Variants in ATP13A4 observed in about 807,000 individuals in gnomAD.
ATP13A4 encodes ATPase 13A4.
In ATP13A4, 114 loss-of-function variants were observed where a neutral mutation model predicts 142.5. That is an observed-to-expected ratio of 0.80 (90% CI 0.69 to 0.93). The LOEUF is 0.93. ATP13A4 is among the 40% of genes least tolerant of loss of function. ATP13A4 has a pLI of 0.00. For synonymous variants in ATP13A4, 488 were observed against 514.8 expected, an observed-to-expected ratio of 0.95 and a Z score of 0.70; for missense variants, 1,392 against 1,454.0, an observed-to-expected ratio of 0.96 and a Z score of 0.69.
In ATP13A4 at chr3:193,514,832, G is replaced by C; in HGVS notation, c.100C>G (p.Leu34Val). Residue 34 changes from leucine (L) to valine (V), a missense_variant, in exon 2 of 30, where the codon CTC becomes GTC. Transcript: ENST00000342695. Reference protein sequence around the residue: ...GYRTQGCRKSLCLAGSIFSFG... With the variant: ...GYRTQGCRKSVCLAGSIFSFG... Reference sequence around the variant, plus strand: ...GAGAAGATGGATCCGGCAAGGCAGAGACTTTTCCGGCAGCCTTGAGTCCGA... The same window carrying C: ...GAGAAGATGGATCCGGCAAGGCAGACACTTTTCCGGCAGCCTTGAGTCCGA... The C allele has an allele frequency of 6.2e-7, 1 of 1,614,214 alleles. No individual in the cohort carries two copies. Among genetic ancestry groups the C allele is most frequent in the Non-Finnish European group, 8.5e-7 (1 of 1,180,032 alleles).
At chr3:193,547,547 C>T (rs1723293924) in intron 1 of ATP13A4, among the ~76,000 whole-genome samples, 1 of 152,162 alleles carries the variant, frequency 6.6e-6, no homozygotes, top group Admixed American at 6.5e-5. Context: ...AATCATACTC[C>T]ACCCTCCAGG....
intron 8 of ATP13A4, among the ~76,000 whole-genome samples, chr3:193,483,526 G>A (rs1277928047): frequency 4.6e-5 from 7 of 152,072 alleles, no homozygotes; most frequent in Admixed American, 1.3e-4. Context: ...GTACAGTGGC[G>A]CGATCTCGGC....
chr3:193,570,601 C>T (rs2108740994), intron 2 of ATP13A4, among the ~76,000 whole-genome samples: 1 of 152,212 alleles, frequency 6.6e-6, no homozygotes, highest in African/African-American at 2.4e-5. Context: ...GAATAGAGGC[C>T]TAATACCACC....
chr3:193,441,206 A>G (rs911363549), intron 20 of ATP13A4, among the ~76,000 whole-genome samples: 5 of 152,132 alleles, frequency 3.3e-5, no homozygotes, highest in African/African-American at 1.2e-4. Flanking sequence ...GCCACCCAAA[A>G]TCATCTGTAT....
intron 18 of ATP13A4, among the ~76,000 whole-genome samples, chr3:193,446,216 A>T (rs1478567761): frequency 6.6e-6 from 1 of 152,182 alleles, no homozygotes; most frequent in African/African-American, 2.4e-5. Context: ...AAGAAAAAAG[A>T]TAGACTGAGA....
chr3:193,575,966 G>A (rs570914632), intron 2 of ATP13A4, among the ~76,000 whole-genome samples: 2 of 152,248 alleles, frequency 1.3e-5, no homozygotes, highest in East Asian at 1.9e-4. Flanking sequence ...TGACTGGGAC[G>A]GGGACTGGGA....
chr3:193,529,081 C>T (rs769918904), intron 1 of ATP13A4, among the ~76,000 whole-genome samples: 4 of 152,106 alleles, frequency 2.6e-5, no homozygotes, highest in Non-Finnish European at 5.9e-5. Context: ...ACCATCCTAG[C>T]TAACATGGCG....
intron 29 of ATP13A4, among the ~76,000 whole-genome samples, chr3:193,403,319 A>G (rs1183366570): frequency 6.6e-6 from 1 of 152,210 alleles, no homozygotes; most frequent in Non-Finnish European, 1.5e-5. Flanking sequence ...ATCCTGACAT[A>G]TCACTGCATA....
chr3:193,578,359 T>C (rs1724456469), intron 2 of ATP13A4, among the ~76,000 whole-genome samples: 2 of 146,300 alleles, frequency 1.4e-5, no homozygotes, highest in Admixed American at 6.8e-5. Flanking sequence ...ATCTATCTAT[T>C]GCATTTATTT....
chr3:193,448,448 G>A, intron 17 of ATP13A4, 118 bp from the exon 18 acceptor site: 1 of 1,310,554 alleles, frequency 7.6e-7, no homozygotes, highest in Non-Finnish European at 1.1e-6. Flanking sequence ...TCATTCTCCT[G>A]CCTCAGCTTC....
chr3:193,583,625 A>C (rs1156690349), intron 1 of ATP13A4, among the ~76,000 whole-genome samples: 1 of 149,900 alleles, frequency 6.7e-6, no homozygotes, highest in Non-Finnish European at 1.5e-5. Flanking sequence ...GATCCAAAGG[A>C]AGATTGTATC....
intron 1 of ATP13A4, among the ~76,000 whole-genome samples, chr3:193,531,331 GAA>G (rs1560262364): frequency 6.9e-5 from 6 of 87,320 alleles, no homozygotes; most frequent in Admixed American, 5.9e-4. Context: ...AGGAAGGAAG[GAA>G]GGAAGGGAGG....
At chr3:193,563,809 C>T (rs940809306) in intron 2 of ATP13A4, among the ~76,000 whole-genome samples, 2 of 152,082 alleles carry the variant, frequency 1.3e-5, no homozygotes, top group South Asian at 2.1e-4. Context: ...CAATGTATGA[C>T]GTGCTAATAT....
chr3:193,589,293 T>G (rs1396395372), intron 1 of ATP13A4, among the ~76,000 whole-genome samples: 3 of 152,150 alleles, frequency 2.0e-5, no homozygotes, highest in Non-Finnish European at 4.4e-5. Context: ...TATAACATGC[T>G]TTTCTGAGGG....
At chr3:193,445,735 G>A (rs1576970104) in intron 18 of ATP13A4, among the ~76,000 whole-genome samples, 2 of 152,088 alleles carry the variant, frequency 1.3e-5, no homozygotes, top group East Asian at 3.9e-4. Flanking sequence ...CCAGCCTGGT[G>A]ACAGAGCAAG....
intron 16 of ATP13A4, 77 bp from the exon 17 acceptor site, chr3:193,454,289 T>A (rs942611620): frequency 2.6e-6 from 3 of 1,132,760 alleles, no homozygotes; most frequent in Non-Finnish European, 4.0e-6. Context: ...TTTACAAACA[T>A]CCAACTTTTG....
At chr3:193,492,842 C>T in intron 5 of ATP13A4, 75 bp downstream of exon 5, 1 of 1,081,686 alleles carries the variant, frequency 9.2e-7, no homozygotes, top group South Asian at 1.3e-5. Context: ...ATTAAGATAA[C>T]TATTTACTAG....
rs138391911 is a variant in ATP13A4, at chr3:193,457,586, T to C, written c.1675-121A>G. ...CACCTCAATGTGTTTTCCGTGTCTC[T>C]TCCCTCAGAGGTGAACCAGATTTAT... On this transcript the variant is annotated intron_variant, in intron 14 of 29. Transcript: ENST00000342695. 1,429 of 915,002 alleles carry C rather than the reference T, an allele frequency of 1.6e-3. 6 individuals carry two copies. The highest frequency in any genetic ancestry group is 7.0e-3 in the Middle Eastern group (27 of 3,884). 56.7% of individuals were successfully genotyped at this position (915,002 alleles called of 1,614,324 possible).
intron 17 of ATP13A4, among the ~76,000 whole-genome samples, chr3:193,451,272 T>C (rs922859586): frequency 2.0e-5 from 3 of 152,158 alleles, no homozygotes; most frequent in Non-Finnish European, 4.4e-5. Flanking sequence ...AACCACAAAG[T>C]GCCAGATTAG....
Sources: allele counts gnomAD v4.1 joint callset (sites outside exome capture counted in the v4.1 genomes callset), GRCh38; gene constraint gnomAD v4.1.1; transcripts MANE v1.5; gene names NCBI Gene and HGNC (gene_info 2026-07-23, HGNC 2026-07-21).